The following TSPAN18 variants were observed in gnomAD, a reference collection of about 807,000 sequenced individuals.
TSPAN18 encodes tetraspanin 18.
In TSPAN18, 14 loss-of-function variants were observed where a neutral mutation model predicts 27.3. That is an observed-to-expected ratio of 0.51 (90% CI 0.34 to 0.80). The LOEUF is 0.80. Among genes scored for constraint, TSPAN18 ranks in the 30% least tolerant of loss-of-function variants. The pLI, the probability that TSPAN18 is intolerant of heterozygous loss-of-function variation, is 0.01. For missense variants in TSPAN18, 268 were observed against 323.9 expected, an observed-to-expected ratio of 0.83 and a Z score of 1.32; for synonymous variants, 143 against 136.5, an observed-to-expected ratio of 1.05 and a Z score of -0.33.
intron 2 of TSPAN18, among the ~76,000 whole-genome samples, chr11:44,833,518 G>A (rs2135148783): frequency 6.6e-6 from 1 of 152,208 alleles, no homozygotes; most frequent in South Asian, 2.1e-4. Context: ...TCATTAATAA[G>A]CACTTTTCCC....
intron 1 of TSPAN18, among the ~76,000 whole-genome samples, chr11:44,749,263 T>A (rs1366751663): frequency 6.6e-6 from 1 of 152,216 alleles, no homozygotes; most frequent in Non-Finnish European, 1.5e-5. Context: ...GGTTCCCCAT[T>A]TGCGAAATGG....
intron 1 of TSPAN18, among the ~76,000 whole-genome samples, chr11:44,745,042 T>C (rs1021361147): frequency 1.9e-4 from 29 of 152,064 alleles, no homozygotes; most frequent in Non-Finnish European, 2.2e-4. Flanking sequence ...AACTTTGGGG[T>C]GCTGGGTATA....
At position 44,860,402 on chromosome 11, in the gene TSPAN18, C is replaced by A. The variant is rs894566010; in HGVS notation, c.-78C>A. 6.6e-6 allele frequency: 1 copy of A among 152,202 alleles called. No homozygotes were observed. Among genetic ancestry groups the A allele is most frequent in the African/African-American group, 2.4e-5 (1 of 41,450 alleles). 9.4% of individuals were successfully genotyped at this position (152,202 alleles called of 1,614,324 possible). ...ACACTACCATCAAAGCAACTGGAAC[C>A]CCTTGAATTTGATTTCTGGAGACGC... is the stretch of plus-strand genomic sequence containing the variant. On this transcript the variant is annotated 5_prime_UTR_variant, in exon 3 of 10. Coordinates refer to ENST00000520358, the MANE Select transcript of TSPAN18 (RefSeq NM_130783.5).
At chr11:44,825,306 G>A (rs1394900236) in intron 2 of TSPAN18, among the ~76,000 whole-genome samples, 5 of 152,202 alleles carry the variant, frequency 3.3e-5, no homozygotes, top group African/African-American at 1.2e-4. Context: ...TCACCTCAGC[G>A]CAGCCAAGAA....
intron 2 of TSPAN18, among the ~76,000 whole-genome samples, chr11:44,835,842 A>T (rs895293154): frequency 2.0e-5 from 3 of 152,108 alleles, no homozygotes; most frequent in Non-Finnish European, 4.4e-5. Context: ...TTCATTATTA[A>T]TATGTCTGTT....
chr11:44,916,427 G>A (rs535142418), intron 5 of TSPAN18, among the ~76,000 whole-genome samples: 46 of 152,288 alleles, frequency 3.0e-4, no homozygotes, highest in Admixed American at 4.6e-4. Flanking sequence ...GCCGGGCCTC[G>A]GAGGCCACAG....
chr11:44,741,447 ATGTGTG>A (rs58865710), intron 1 of TSPAN18, among the ~76,000 whole-genome samples: 24 of 147,384 alleles, frequency 1.6e-4, no homozygotes, highest in African/African-American at 4.0e-4. Flanking sequence ...TCAGACATGT[ATGTGTG>A]TGTGTGTGTG....
chr11:44,876,757 A>G (rs1858344097), intron 3 of TSPAN18, among the ~76,000 whole-genome samples: 1 of 152,232 alleles, frequency 6.6e-6, no homozygotes, highest in Non-Finnish European at 1.5e-5. Context: ...AAAATCACCA[A>G]CAGTCAGCTA....
chr11:44,755,968 AAGAGAGATGGAG>A (rs959619338), intron 1 of TSPAN18, among the ~76,000 whole-genome samples: 16 of 152,028 alleles, frequency 1.1e-4, no homozygotes, highest in Non-Finnish European at 1.6e-4. Context: ...GAGAGAGGGA[AAGAGAGATGGAG>A]AGAGAGATGG....
At chr11:44,754,943 G>T (rs1855297727) in intron 1 of TSPAN18, among the ~76,000 whole-genome samples, 1 of 152,228 alleles carries the variant, frequency 6.6e-6, no homozygotes. Flanking sequence ...CAGTTGACCA[G>T]TGCGGCTGTG....
intron 1 of TSPAN18, among the ~76,000 whole-genome samples, chr11:44,745,729 T>TA (rs1280401018): frequency 1.3e-5 from 2 of 152,048 alleles, no homozygotes; most frequent in African/African-American, 2.4e-5. Context: ...AAAATTCTAT[T>TA]AAAAAACAAA....
chr11:44,755,491 T>C (rs1855310467), intron 1 of TSPAN18, among the ~76,000 whole-genome samples: 1 of 151,896 alleles, frequency 6.6e-6, no homozygotes, highest in Non-Finnish European at 1.5e-5. Flanking sequence ...ACTGCAAGGT[T>C]CTCAGCGCTC....
chr11:44,732,081 A>G (rs1235563821), intron 1 of TSPAN18, among the ~76,000 whole-genome samples: 2 of 152,218 alleles, frequency 1.3e-5, no homozygotes, highest in African/African-American at 2.4e-5. Flanking sequence ...TGTTCTGCCC[A>G]TGGTCTGCTC....
chr11:44,730,860 G>A (rs915303024), intron 1 of TSPAN18, among the ~76,000 whole-genome samples: 2 of 151,938 alleles, frequency 1.3e-5, no homozygotes, highest in Admixed American at 6.6e-5. Flanking sequence ...TCCTGACCTC[G>A]TGATTCACCT....
At position 44,776,500 on chromosome 11, in the gene TSPAN18, C is replaced by T. The variant is rs539482183; in HGVS notation, c.-153+11988C>T. On this transcript the variant is annotated intron_variant, in intron 2 of 9. Coordinates refer to ENST00000520358, the MANE Select transcript of TSPAN18 (RefSeq NM_130783.5). ...GAGGATGTGGGTGGGCTGCAGACCACAGCCGTCATATATTTAAAGGGAAAA... is the reference window on the plus strand; with the variant it reads ...GAGGATGTGGGTGGGCTGCAGACCATAGCCGTCATATATTTAAAGGGAAAA... 5.4e-4 allele frequency among the ~76,000 whole-genome samples: 82 copies of T among 152,266 alleles called. 1 individual carries two copies. Among genetic ancestry groups the T allele is most frequent in the African/African-American group, 1.8e-3 (76 of 41,564 alleles).
At chr11:44,880,815 G>A (rs779467093) in intron 3 of TSPAN18, among the ~76,000 whole-genome samples, 50 of 152,372 alleles carry the variant, frequency 3.3e-4, no homozygotes, top group Middle Eastern at 6.8e-3. Context: ...GAAAGTGACT[G>A]ATTCCTCCGT....
intron 3 of TSPAN18, among the ~76,000 whole-genome samples, chr11:44,863,908 T>G (rs10838372): frequency 0.38 from 58,252 of 151,982 alleles, 12,414 homozygotes; most frequent in African/African-American, 0.58. Context: ...CTATTTGGTG[T>G]TGTTATTATT....
At chr11:44,779,459 G>T (rs1379987243) in intron 2 of TSPAN18, among the ~76,000 whole-genome samples, 1 of 152,188 alleles carries the variant, frequency 6.6e-6, no homozygotes, top group Non-Finnish European at 1.5e-5. Flanking sequence ...AGACCCTGGA[G>T]AAGGTTAATG....
At chr11:44,774,217 A>G (rs1855753420) in intron 2 of TSPAN18, among the ~76,000 whole-genome samples, 1 of 152,184 alleles carries the variant, frequency 6.6e-6, no homozygotes, top group Admixed American at 6.5e-5. Context: ...GGAACAGAAC[A>G]TCTGTTTAAA....
Sources: allele counts gnomAD v4.1 joint callset (sites outside exome capture counted in the v4.1 genomes callset), GRCh38; gene constraint gnomAD v4.1.1; transcripts MANE v1.5; gene names NCBI Gene and HGNC (gene_info 2026-07-23, HGNC 2026-07-21).